SYT1: variants seen among roughly 807,000 people sequenced by gnomAD.
The protein encoded by SYT1 is synaptotagmin-1.
SYT1 carries 8 observed loss-of-function variants against 44.8 expected under a neutral mutation model. That is an observed-to-expected ratio of 0.18 (90% CI 0.10 to 0.32). SYT1 has a LOEUF of 0.32. SYT1 is among the 10% of genes least tolerant of loss of function. The pLI, the probability that SYT1 is intolerant of heterozygous loss-of-function variation, is 1.00. For missense variants in SYT1, 286 were observed against 509.3 expected (o/e 0.56, Z 4.22); for synonymous variants, 154 against 188.8 (o/e 0.82, Z 1.51).
At chr12:79,277,042 C>A (rs544771518) in intron 4 of SYT1, among the ~76,000 whole-genome samples, 2 of 151,626 alleles carry the variant, frequency 1.3e-5, no homozygotes, top group Non-Finnish European at 2.9e-5. Context: ...AAGGGGACAA[C>A]AATAAAATGT....
At chr12:79,155,617 A>G (rs1870546412) in intron 3 of SYT1, among the ~76,000 whole-genome samples, 1 of 152,240 alleles carries the variant, frequency 6.6e-6, no homozygotes, top group Admixed American at 6.5e-5. Context: ...ATAACACAAA[A>G]TATGTTTTAA....
upstream of SYT1, chr12:78,864,378 G>A (rs533805480): frequency 2.0e-5 from 3 of 147,880 alleles, no homozygotes; most frequent in East Asian, 6.1e-4. Flanking sequence ...AAAAAGCTTT[G>A]TATTATGCTC....
At chr12:79,348,924 AAAG>A (rs200067086) in intron 8 of SYT1, among the ~76,000 whole-genome samples, 2,969 of 150,326 alleles carry the variant, frequency 0.02, 41 homozygotes, top group Middle Eastern at 0.065. Context: ...AGAAAGGAAA[AAAG>A]AAAGAAAGGA....
At chr12:79,237,194 G>T (rs983660026) in intron 4 of SYT1, among the ~76,000 whole-genome samples, 1 of 152,192 alleles carries the variant, frequency 6.6e-6, no homozygotes, top group Non-Finnish European at 1.5e-5. Context: ...CTGAAGGTGT[G>T]TAGAAAAGAG....
At chr12:78,927,170 A>G (rs1877346994) in intron 1 of SYT1, among the ~76,000 whole-genome samples, 1 of 151,972 alleles carries the variant, frequency 6.6e-6, no homozygotes, top group Non-Finnish European at 1.5e-5. Flanking sequence ...AAAGTCCCTC[A>G]TTTCCCCACA....
At chr12:79,271,361 G>T (rs1055148674) in intron 4 of SYT1, among the ~76,000 whole-genome samples, 1 of 152,052 alleles carries the variant, frequency 6.6e-6, no homozygotes, top group Non-Finnish European at 1.5e-5. Context: ...AAGAATATTT[G>T]TTAGTTGGCT....
At chr12:79,012,151 G>A (rs1441235988) in intron 2 of SYT1, among the ~76,000 whole-genome samples, 2 of 147,478 alleles carry the variant, frequency 1.4e-5, no homozygotes, top group South Asian at 2.1e-4. Context: ...AAAAAAAAAG[G>A]GAGAGAATCA....
chr12:79,152,250 G>A (rs1394831316), intron 3 of SYT1, among the ~76,000 whole-genome samples: 1 of 152,154 alleles, frequency 6.6e-6, no homozygotes, highest in African/African-American at 2.4e-5. Flanking sequence ...GCAGTTCTAA[G>A]TGATGATGTA....
rs150704664 is a variant in SYT1 at position 78,954,683 on chromosome 12, A to T, written c.-216-23116A>T. On this transcript the variant is annotated intron_variant, in intron 1 of 10. Coordinates refer to ENST00000261205, the MANE Select transcript of SYT1 (RefSeq NM_005639.3). ...ACTATGATGAATAACTTTAAATAGAAGTATTTTTCATTTAGAACTTTGTTG... is the reference window on the plus strand; with the variant it reads ...ACTATGATGAATAACTTTAAATAGATGTATTTTTCATTTAGAACTTTGTTG... Among the ~76,000 whole-genome samples the T allele has an allele frequency of 2.8e-3, 426 of 152,242 alleles. 2 individuals carry two copies. The highest frequency in any genetic ancestry group is 0.01 in the African/African-American group (416 of 41,576).
chr12:78,985,123 T>A (rs1869548529), intron 2 of SYT1, among the ~76,000 whole-genome samples: 4 of 151,928 alleles, frequency 2.6e-5, no homozygotes, highest in Admixed American at 2.0e-4. Flanking sequence ...GAGAAGAGAA[T>A]GTTGAAATTT....
At position 78,961,965 on chromosome 12, in the gene SYT1, T is replaced by C. The variant is rs544521249; in HGVS notation, c.-216-15834T>C. Among the ~76,000 whole-genome samples the C allele has an allele frequency of 1.8e-4, 27 of 152,348 alleles. No individual in the cohort carries two copies. The East Asian group carries it at 4.4e-3, about 25-fold the overall frequency. The stretch of plus-strand genomic sequence containing the variant: ...TTATAATATTCTTACAATTTTTTAA[T>C]GTCACATAATTCTATGTAACTAAAT... On this transcript the variant is annotated intron_variant, in intron 1 of 10. Transcript: ENST00000261205.
intron 1 of SYT1, among the ~76,000 whole-genome samples, chr12:78,882,873 T>A (rs1269468961): frequency 1.3e-5 from 2 of 149,620 alleles, no homozygotes; most frequent in Non-Finnish European, 3.0e-5. Flanking sequence ...GCATCATAGA[T>A]TTTTTTTTCT....
intron 4 of SYT1, among the ~76,000 whole-genome samples, chr12:79,248,451 C>T (rs532452953): frequency 1.3e-5 from 2 of 152,200 alleles, no homozygotes; most frequent in East Asian, 3.9e-4. Flanking sequence ...AGCATGAAAG[C>T]CAGAGACCTT....
intron 3 of SYT1, among the ~76,000 whole-genome samples, chr12:79,123,352 T>TGTGTGTGTGTGTG (rs1565816421): frequency 1.5e-4 from 22 of 149,784 alleles, no homozygotes; most frequent in African/African-American, 3.5e-4. Flanking sequence ...TGTGTGTGTG[T>TGTGTGTGTGTGTG]TTAGCTATCA....
chr12:78,958,676 C>G (rs1160354581), intron 1 of SYT1, among the ~76,000 whole-genome samples: 1 of 148,692 alleles, frequency 6.7e-6, no homozygotes, highest in Admixed American at 6.8e-5. Flanking sequence ...GCCTGGGTGA[C>G]AAAAGCAAAA....
intron 3 of SYT1, among the ~76,000 whole-genome samples, chr12:79,115,077 C>T (rs1051270711): frequency 1.3e-5 from 2 of 152,116 alleles, no homozygotes; most frequent in African/African-American, 2.4e-5. Context: ...TGTTATGCCT[C>T]ATAAAATAGT....
intron 4 of SYT1, among the ~76,000 whole-genome samples, chr12:79,270,760 A>ATCT (rs1878379289): frequency 1.3e-5 from 2 of 152,214 alleles, no homozygotes; most frequent in Non-Finnish European, 2.9e-5. Context: ...GATGAAGAGA[A>ATCT]TCAGTGCTAA....
chr12:79,104,191 A>T (rs930648979), intron 3 of SYT1, among the ~76,000 whole-genome samples: 1 of 151,796 alleles, frequency 6.6e-6, no homozygotes, highest in Admixed American at 6.6e-5. Flanking sequence ...ACTCTATCAG[A>T]CAACACTCAT....
At chr12:79,352,555 C>A (rs1882954229) in intron 8 of SYT1, among the ~76,000 whole-genome samples, 3 of 152,130 alleles carry the variant, frequency 2.0e-5, no homozygotes, top group South Asian at 4.1e-4. Context: ...CAAACTCTCT[C>A]TCTTGCACTC....
Sources: gnomAD v4.1 joint callset for allele counts (sites outside exome capture counted in the v4.1 genomes callset) on GRCh38, gnomAD v4.1.1 for gene constraint, MANE v1.5 for transcripts, NCBI Gene and HGNC (gene_info 2026-07-23, HGNC 2026-07-21) for gene names.